Variants in KDM4C observed in about 807,000 individuals in gnomAD.
KDM4C encodes lysine demethylase 4C.
In KDM4C, 81 loss-of-function variants were observed where a neutral mutation model predicts 129.3. That is an observed-to-expected ratio of 0.63 (90% CI 0.52 to 0.75). The LOEUF (loss-of-function observed/expected upper bound fraction) is 0.75, where lower values mean the gene tolerates loss of function less well. Among genes scored for constraint, KDM4C ranks in the 30% least tolerant of loss-of-function variants. KDM4C has a pLI of 0.00. For missense variants in KDM4C, 1,457 were observed against 1,304.0 expected, an observed-to-expected ratio of 1.12 and a Z score of -1.81; for synonymous variants, 573 against 456.1, an observed-to-expected ratio of 1.26 and a Z score of -3.26.
intron 1 of KDM4C, among the ~76,000 whole-genome samples, chr9:6,776,082 C>T (rs1316193412): frequency 6.6e-6 from 1 of 152,120 alleles, no homozygotes; most frequent in African/African-American, 2.4e-5. Context: ...GATAACACAC[C>T]TTTCTCTTTT....
chr9:6,773,484 T>G (rs1260501721), intron 1 of KDM4C, among the ~76,000 whole-genome samples: 1 of 152,084 alleles, frequency 6.6e-6, no homozygotes, highest in African/African-American at 2.4e-5. Flanking sequence ...TGTATAGGTA[T>G]TCATAGGCCA....
Position 6,805,717 on chromosome 9 carries a change from A to T in KDM4C, c.263A>T (p.Asn88Ile). Residue 88 changes from asparagine to isoleucine, a missense_variant, in exon 3 of 22, where the codon AAC becomes ATC. Coordinates refer to ENST00000381309, the MANE Select transcript of KDM4C (RefSeq NM_015061.6). The part of the protein sequence containing the change: ...TGQSGLFTQY[N>I]IQKKAMTVKE... Reference sequence around the variant, plus strand: ...CAGTCAGGACTGTTCACTCAGTACAACATCCAGAAAAAAGCGATGACTGTG... The same window carrying T: ...CAGTCAGGACTGTTCACTCAGTACATCATCCAGAAAAAAGCGATGACTGTG... 6.2e-7 allele frequency: 1 copy of T among 1,614,176 alleles called. No individual in the cohort carries two copies. Among genetic ancestry groups the T allele is most frequent in the Non-Finnish European group, 8.5e-7 (1 of 1,180,010 alleles).
chr9:7,000,438 G>A (rs7854608), intron 12 of KDM4C, among the ~76,000 whole-genome samples: 53,621 of 152,034 alleles, frequency 0.35, 10,850 homozygotes, highest in Non-Finnish European at 0.46. Flanking sequence ...CATGGAGATT[G>A]TAAGATGATA....
At chr9:7,018,590 C>T (rs1824109174) in intron 15 of KDM4C, among the ~76,000 whole-genome samples, 2 of 152,204 alleles carry the variant, frequency 1.3e-5, no homozygotes, top group South Asian at 4.1e-4. Flanking sequence ...ATTATCTGAT[C>T]AGCTCACCAA....
At chr9:7,040,970 C>T (rs1019479024) in intron 15 of KDM4C, among the ~76,000 whole-genome samples, 1 of 151,250 alleles carries the variant, frequency 6.6e-6, no homozygotes, top group East Asian at 1.9e-4. Context: ...CCAATATTAT[C>T]ACCCCTTTTC....
At chr9:6,879,665 A>G (rs1050915707) in intron 5 of KDM4C, among the ~76,000 whole-genome samples, 2 of 152,176 alleles carry the variant, frequency 1.3e-5, no homozygotes, top group African/African-American at 4.8e-5. Context: ...AAACAACCCT[A>G]GAGTGCTGGG....
At chr9:6,778,236 C>T (rs1007903064) in intron 1 of KDM4C, among the ~76,000 whole-genome samples, 3 of 151,598 alleles carry the variant, frequency 2.0e-5, no homozygotes, top group South Asian at 2.1e-4. Context: ...ATTACAGGCA[C>T]CTGCCACCAC....
At chr9:6,879,731 T>G (rs1294551541) in intron 5 of KDM4C, among the ~76,000 whole-genome samples, 1 of 152,194 alleles carries the variant, frequency 6.6e-6, no homozygotes, top group Non-Finnish European at 1.5e-5. Flanking sequence ...GTCTTGTTGC[T>G]GAGCAGTTTA....
chr9:6,806,479 A>G (rs929255802), intron 3 of KDM4C, among the ~76,000 whole-genome samples: 37 of 151,578 alleles, frequency 2.4e-4, no homozygotes, highest in Middle Eastern at 3.2e-3. Context: ...GGGCAACAAG[A>G]GTGAAACTCC....
At chr9:6,886,448 G>T (rs1256788026) in intron 6 of KDM4C, among the ~76,000 whole-genome samples, 1 of 150,510 alleles carries the variant, frequency 6.6e-6, no homozygotes, top group African/African-American at 2.4e-5. Flanking sequence ...GAGCAGCTAG[G>T]ACTACAGGCA....
intron 16 of KDM4C, among the ~76,000 whole-genome samples, chr9:7,047,388 G>T (rs1322697610): frequency 2.0e-5 from 3 of 151,882 alleles, no homozygotes; most frequent in Non-Finnish European, 4.4e-5. Context: ...AATTAGAAAA[G>T]ATAGGGAGAA....
intron 17 of KDM4C, among the ~76,000 whole-genome samples, chr9:7,082,689 G>A (rs1356310526): frequency 6.6e-6 from 1 of 152,128 alleles, no homozygotes; most frequent in Non-Finnish European, 1.5e-5. Flanking sequence ...GTCACGCGTG[G>A]CTCCAAATCC....
chr9:7,016,420 C>T (rs1823696142), intron 15 of KDM4C, among the ~76,000 whole-genome samples: 1 of 134,108 alleles, frequency 7.5e-6, no homozygotes, highest in Admixed American at 8.1e-5. Context: ...AGCCACTGTT[C>T]CTGGCTTTTT....
intron 8 of KDM4C, among the ~76,000 whole-genome samples, chr9:6,976,864 G>C (rs959217108): frequency 1.3e-5 from 2 of 151,222 alleles, no homozygotes; most frequent in African/African-American, 4.9e-5. Flanking sequence ...TACATTTTTG[G>C]TGGCTACTGT....
intron 8 of KDM4C, among the ~76,000 whole-genome samples, chr9:6,978,133 TA>T: frequency 6.6e-6 from 1 of 152,336 alleles, no homozygotes; most frequent in South Asian, 2.1e-4. Context: ...TTACCACTGT[TA>T]CTCTCAGTTT....
chr9:6,769,703 C>T (rs1212304321), intron 1 of KDM4C, among the ~76,000 whole-genome samples: 1 of 152,126 alleles, frequency 6.6e-6, no homozygotes, highest in Non-Finnish European at 1.5e-5. Flanking sequence ...TATCATGCTA[C>T]TGAAGGAGTT....
At chr9:7,096,499 G>T (rs1008054434) in intron 17 of KDM4C, among the ~76,000 whole-genome samples, 2 of 152,104 alleles carry the variant, frequency 1.3e-5, no homozygotes, top group Non-Finnish European at 2.9e-5. Context: ...CAGTTTCAGT[G>T]ACTTGCCCTT....
chr9:6,879,996 A>T lies in KDM4C; in HGVS notation c.630-16A>T. On this transcript the variant is annotated splice_polypyrimidine_tract_variant and intron_variant, in intron 5 of 21. Coordinates refer to ENST00000381309, the MANE Select transcript of KDM4C (RefSeq NM_015061.6). Reference sequence around the variant, plus strand: ...AATTATAAACCTAAAATTTTTACTTATGTTTAAAATTTTAGGTATGCTATA... The same window carrying T: ...AATTATAAACCTAAAATTTTTACTTTTGTTTAAAATTTTAGGTATGCTATA... The T allele has an allele frequency of 6.8e-7, 1 of 1,466,008 alleles. No homozygotes were observed. Among genetic ancestry groups the T allele is most frequent in the Non-Finnish European group, 9.4e-7 (1 of 1,068,702 alleles). The allele number at this position is 1,466,008 out of a possible 1,614,324, so 90.8% of individuals were successfully genotyped here. A position where few individuals can be genotyped will look rare whatever the true frequency, so the allele number is the denominator to read the frequency against.
rs560547351 is a variant in KDM4C, at chr9:7,033,414, C to G, written c.2260-13448C>G. On this transcript the variant is annotated intron_variant, in intron 15 of 21. Transcript: ENST00000381309. Reference sequence around the variant, plus strand: ...GTAATAGATTTGGCTTCAAAATCACCTCTTGCCTCCTGAGGTGGCAGATTA... The same window carrying G: ...GTAATAGATTTGGCTTCAAAATCACGTCTTGCCTCCTGAGGTGGCAGATTA... Among the ~76,000 whole-genome samples the G allele has an allele frequency of 1.9e-3, 291 of 152,294 alleles. 3 individuals carry two copies. Among genetic ancestry groups the G allele is most frequent in the African/African-American group, 6.4e-3 (265 of 41,556 alleles).
Sources: gnomAD v4.1 joint callset for allele counts (sites outside exome capture counted in the v4.1 genomes callset) on GRCh38, gnomAD v4.1.1 for gene constraint, MANE v1.5 for transcripts, NCBI Gene and HGNC (gene_info 2026-07-23, HGNC 2026-07-21) for gene names.